MARCHF3: variants seen among roughly 807,000 people sequenced by gnomAD.
MARCHF3 encodes membrane associated ring-CH-type finger 3.
MARCHF3 carries 13 observed loss-of-function variants against 24.2 expected under a neutral mutation model. That is an observed-to-expected ratio of 0.54 (90% confidence interval 0.35 to 0.85). MARCHF3 has a LOEUF of 0.85. Ranked by LOEUF, MARCHF3 falls within the 40% of genes least tolerant of loss-of-function variation. The probability of loss-of-function intolerance (pLI) is 0.01; values close to 1 mark genes in which losing one functional copy is unlikely to be tolerated. For synonymous variants in MARCHF3, 144 were observed against 137.3 expected (o/e 1.05, Z -0.34); for missense variants, 276 against 325.0 (o/e 0.85, Z 1.16).
intron 1 of MARCHF3, among the ~76,000 whole-genome samples, chr5:126,980,469 C>A (rs1751357850): frequency 6.6e-6 from 1 of 151,640 alleles, no homozygotes; most frequent in Non-Finnish European, 1.5e-5. Context: ...CTCCCGGGTT[C>A]AAGTGATTCC....
chr5:126,968,449 A>G (rs1750890547), intron 1 of MARCHF3, among the ~76,000 whole-genome samples: 1 of 152,156 alleles, frequency 6.6e-6, no homozygotes, highest in Non-Finnish European at 1.5e-5. Context: ...GTGAAATGGC[A>G]TCTCATTGTG....
At chr5:126,923,835 G>T (rs1311973371) in intron 1 of MARCHF3, among the ~76,000 whole-genome samples, 9 of 152,144 alleles carry the variant, frequency 5.9e-5, no homozygotes, top group African/African-American at 2.2e-4. Context: ...GGTAGGCTCC[G>T]CAGGTCTCAA....
chr5:126,982,160 A>G (rs537295767), intron 1 of MARCHF3, among the ~76,000 whole-genome samples: 1 of 152,180 alleles, frequency 6.6e-6, no homozygotes, highest in Non-Finnish European at 1.5e-5. Flanking sequence ...GAATTCATTC[A>G]CTGCTGTGCT....
intron 1 of MARCHF3, among the ~76,000 whole-genome samples, chr5:127,008,508 C>A (rs1280020896): frequency 6.6e-6 from 1 of 152,184 alleles, no homozygotes; most frequent in Non-Finnish European, 1.5e-5. Flanking sequence ...ATTCAGCACA[C>A]ACAAATTGCA....
intron 3 of MARCHF3, chr5:126,899,002 TC>T (rs1754018234): frequency 1.0e-6 from 1 of 979,152 alleles, no homozygotes; most frequent in South Asian, 4.9e-5. Context: ...ATATTATTTC[TC>T]TTTCGTGTTT....
intron 3 of MARCHF3, among the ~76,000 whole-genome samples, chr5:126,906,749 T>C (rs1689763779): frequency 6.6e-6 from 1 of 152,202 alleles, no homozygotes; most frequent in Admixed American, 6.5e-5. Flanking sequence ...TCAATCTTGT[T>C]GATCCTTTCA....
At chr5:126,984,970 C>T (rs1315118127) in intron 1 of MARCHF3, among the ~76,000 whole-genome samples, 1 of 151,960 alleles carries the variant, frequency 6.6e-6, no homozygotes, top group African/African-American at 2.4e-5. Context: ...GGGTGGGAGG[C>T]CTCAGAGGCA....
chr5:126,894,925 T>G (rs1753821737), intron 3 of MARCHF3, among the ~76,000 whole-genome samples: 1 of 152,074 alleles, frequency 6.6e-6, no homozygotes, highest in African/African-American at 2.4e-5. Context: ...GGTTCCATTC[T>G]CCCCATCACT....
chr5:126,919,913 T>C (rs1749043434), intron 1 of MARCHF3, among the ~76,000 whole-genome samples: 1 of 152,228 alleles, frequency 6.6e-6, no homozygotes, highest in African/African-American at 2.4e-5. Context: ...TGAGACCTGA[T>C]GTGGGGGCAC....
At position 126,931,195 on chromosome 5, in the gene MARCHF3, C is replaced by T. The variant is rs148434949; in HGVS notation, c.-56-12968G>A. ...AGGGGAATGGGTTAGGAAATGCATG[C>T]CAAGGAGGCTGGCCAGGATGAAAGT... is the stretch of plus-strand genomic sequence containing the variant. On this transcript the variant is annotated intron_variant, in intron 1 of 4. Transcript: ENST00000308660. Among the ~76,000 whole-genome samples the T allele has an allele frequency of 2.8e-3, 423 of 152,196 alleles. 3 individuals are homozygous for T. Among genetic ancestry groups the T allele is most frequent in the Middle Eastern group, 0.027 (8 of 294 alleles).
chr5:126,989,703 G>A (rs1751686948), intron 1 of MARCHF3, among the ~76,000 whole-genome samples: 1 of 152,172 alleles, frequency 6.6e-6, no homozygotes, highest in South Asian at 2.1e-4. Context: ...GAAGAAAGGA[G>A]TAGTATCAAC....
chr5:126,981,348 C>G lies in MARCHF3; in HGVS notation c.-57+49002G>C, dbSNP rs1434465294. ...AGTAAACTTTCATCCATTCAGGGAT[C>G]AACTAATCCAATCCATGAGCATCTT... is the stretch of plus-strand genomic sequence containing the variant. On this transcript the variant is annotated intron_variant, in intron 1 of 4. Transcript: ENST00000308660. Among the ~76,000 whole-genome samples the G allele has an allele frequency of 5.1e-4, 78 of 152,302 alleles. 2 individuals are homozygous for G. The highest frequency in any genetic ancestry group is 1.0e-4 in the Non-Finnish European group (7 of 68,010).
At chr5:126,973,877 C>CTTT (rs1331368164) in intron 1 of MARCHF3, among the ~76,000 whole-genome samples, 1 of 114,804 alleles carries the variant, frequency 8.7e-6, no homozygotes. Flanking sequence ...TAAGCAAAAT[C>CTTT]TATTTTTTTT....
intron 1 of MARCHF3, among the ~76,000 whole-genome samples, chr5:127,023,616 C>T (rs778150658): frequency 7.2e-5 from 11 of 151,760 alleles, no homozygotes; most frequent in Non-Finnish European, 1.3e-4. Context: ...CGTGTAATCC[C>T]AGCTACTCGG....
chr5:126,872,071 TG>T (rs1561771048), intron 4 of MARCHF3, among the ~76,000 whole-genome samples: 3 of 136,430 alleles, frequency 2.2e-5, no homozygotes, highest in Non-Finnish European at 3.1e-5. Flanking sequence ...GAGAGATCCT[TG>T]TCTTTTTTTT....
rs936669714 is a variant in MARCHF3, at chr5:126,905,817, T to C, written c.393+9113A>G. Among the ~76,000 whole-genome samples the C allele has an allele frequency of 5.3e-4, 80 of 152,196 alleles. 1 individual carries two copies. Among genetic ancestry groups the C allele is most frequent in the African/African-American group, 1.9e-3 (79 of 41,506 alleles). On this transcript the variant is annotated intron_variant, in intron 3 of 4. Coordinates refer to ENST00000308660, the MANE Select transcript of MARCHF3 (RefSeq NM_178450.5). The stretch of plus-strand genomic sequence containing the variant: ...TTGAATACCCTTTATTTCCTTCTCC[T>C]GCCTAATTGCCCTGGCCAGAACTTT...
chr5:126,909,704 C>T (rs567638644), intron 3 of MARCHF3, among the ~76,000 whole-genome samples: 1 of 152,266 alleles, frequency 6.6e-6, no homozygotes, highest in African/African-American at 2.4e-5. Flanking sequence ...GACCTGGGCC[C>T]ACTGTCTGGC....
chr5:126,873,474 G>C (rs191373588), intron 4 of MARCHF3, among the ~76,000 whole-genome samples: 1 of 151,820 alleles, frequency 6.6e-6, no homozygotes, highest in Non-Finnish European at 1.5e-5. Flanking sequence ...TGCTCTCGGC[G>C]TGGTCCTGGA....
intron 1 of MARCHF3, among the ~76,000 whole-genome samples, chr5:126,969,256 A>T (rs1362428684): frequency 1.3e-5 from 2 of 152,198 alleles, no homozygotes; most frequent in African/African-American, 4.8e-5. Context: ...ATGAGCTTTG[A>T]TGCACAATTT....
Sources: allele counts gnomAD v4.1 joint callset (sites outside exome capture counted in the v4.1 genomes callset), GRCh38; gene constraint gnomAD v4.1.1; transcripts MANE v1.5; gene names NCBI Gene and HGNC (gene_info 2026-07-23, HGNC 2026-07-21).